Variants in PDE1C observed in about 807,000 individuals in gnomAD.
The protein encoded by PDE1C is dual specificity calcium/calmodulin-dependent 3',5'-cyclic nucleotide phosphodiesterase 1C.
PDE1C carries 62 observed loss-of-function variants against 93.1 expected under a neutral mutation model. The observed-to-expected ratio is 0.67, with a 90% CI of 0.54 to 0.82. The LOEUF (loss-of-function observed/expected upper bound fraction) is 0.82, where lower values mean the gene tolerates loss of function less well. PDE1C is among the 40% of genes least tolerant of loss of function. The pLI is 0.00. For synonymous variants in PDE1C, 325 were observed against 310.1 expected, an observed-to-expected ratio of 1.05 and a Z score of -0.50; for missense variants, 742 against 884.6, an observed-to-expected ratio of 0.84 and a Z score of 2.04.
At chr7:32,230,343 T>C (rs1288149491) in intron 1 of PDE1C, among the ~76,000 whole-genome samples, 3 of 152,168 alleles carry the variant, frequency 2.0e-5, no homozygotes, top group Non-Finnish European at 4.4e-5. Context: ...CCTTGGAAGA[T>C]GCCAATTAAA....
intron 1 of PDE1C, among the ~76,000 whole-genome samples, chr7:32,276,817 C>G (rs372912050): frequency 6.6e-6 from 1 of 152,096 alleles, no homozygotes; most frequent in Admixed American, 6.6e-5. Context: ...ACTACTACCA[C>G]CAACTGGAGA....
rs184128299 is a variant in PDE1C, at chr7:31,906,897, C to T, written c.129-26037G>A. Among the ~76,000 whole-genome samples the T allele has an allele frequency of 4.1e-4, 62 of 152,258 alleles. 1 individual carries two copies. The highest frequency in any genetic ancestry group is 7.0e-4 in the African/African-American group (29 of 41,548). On this transcript the variant is annotated intron_variant, in intron 2 of 17. Coordinates refer to ENST00000396191, the MANE Select transcript of PDE1C (RefSeq NM_001191057.4). ...AATGTATGTAGAGAGGTTAACACCA[C>T]GCTTTTAAGCCTTCAGTAGCTGCTA... is the stretch of plus-strand genomic sequence containing the variant.
chr7:32,311,603 C>A (rs560529780), intron 1 of PDE1C, among the ~76,000 whole-genome samples: 2 of 152,004 alleles, frequency 1.3e-5, no homozygotes, highest in African/African-American at 4.8e-5. Context: ...GTTCAATATA[C>A]GCAAATCAAT....
At chr7:31,787,140 C>G (rs1784089461) in intron 16 of PDE1C, 1 of 152,114 alleles carries the variant, frequency 6.6e-6, no homozygotes, top group Non-Finnish European at 1.5e-5. Context: ...ACTTTTGTAT[C>G]TAAAGGCATG....
At chr7:31,967,831 C>T (rs1285021737) in intron 2 of PDE1C, among the ~76,000 whole-genome samples, 1 of 152,120 alleles carries the variant, frequency 6.6e-6, no homozygotes, top group Non-Finnish European at 1.5e-5. Flanking sequence ...CGTAATCCAG[C>T]ATATAAATAG....
At chr7:32,274,804 A>G (rs1057449654) in intron 1 of PDE1C, among the ~76,000 whole-genome samples, 2 of 152,360 alleles carry the variant, frequency 1.3e-5, no homozygotes, top group Non-Finnish European at 2.9e-5. Context: ...TCCAAGATGA[A>G]TCAGAAAAAT....
chr7:31,671,037 C>T, the PDE1C span, among the ~76,000 whole-genome samples: 1 of 152,194 alleles, frequency 6.6e-6, no homozygotes, highest in Non-Finnish European at 1.5e-5. Flanking sequence ...CCCTTTCCCA[C>T]TGAGATCCAC....
chr7:31,806,999 T>C (rs1786923716), intron 16 of PDE1C, among the ~76,000 whole-genome samples: 1 of 151,950 alleles, frequency 6.6e-6, no homozygotes, highest in Non-Finnish European at 1.5e-5. Flanking sequence ...AAAGGATAGG[T>C]GGGACTCATC....
the PDE1C span, among the ~76,000 whole-genome samples, chr7:31,639,544 T>TTTTTTTTTTTTTTTTTG: frequency 1.5e-5 from 2 of 135,188 alleles, no homozygotes; most frequent in Non-Finnish European, 3.2e-5. Flanking sequence ...TTTTGTTTTT[T>TTTTTTTTTTTTTTTTTG]TTTTTTTTTT....
intron 1 of PDE1C, among the ~76,000 whole-genome samples, chr7:32,062,437 A>G (rs1794924243): frequency 1.3e-5 from 2 of 152,124 alleles, no homozygotes; most frequent in Non-Finnish European, 2.9e-5. Context: ...TCATTTTCTC[A>G]GAGGGGCCAT....
chr7:32,038,508 C>T (rs137926173), intron 2 of PDE1C, among the ~76,000 whole-genome samples: 1 of 152,270 alleles, frequency 6.6e-6, no homozygotes, highest in East Asian at 1.9e-4. Context: ...TTACTTATCA[C>T]AACCCTTTGA....
intron 2 of PDE1C, among the ~76,000 whole-genome samples, chr7:31,949,100 T>C (rs558922202): frequency 6.6e-6 from 1 of 152,280 alleles, no homozygotes; most frequent in Non-Finnish European, 1.5e-5. Flanking sequence ...GCCTGGGGTC[T>C]TTTAGACTGA....
chr7:32,409,394 T>C (rs1215950804), intron 1 of PDE1C, among the ~76,000 whole-genome samples: 2 of 152,052 alleles, frequency 1.3e-5, no homozygotes, highest in South Asian at 2.1e-4. Flanking sequence ...AAGAAAACTT[T>C]TAAGTTATTT....
At chr7:32,117,412 G>A (rs73689038) in intron 3 of PDE1C, among the ~76,000 whole-genome samples, 3,140 of 152,234 alleles carry the variant, frequency 0.021, 98 homozygotes, top group African/African-American at 0.071. Context: ...GATGTGTTAG[G>A]CTCTTCTATA....
the PDE1C span, among the ~76,000 whole-genome samples, chr7:31,648,696 C>G: frequency 6.6e-6 from 1 of 152,148 alleles, no homozygotes; most frequent in African/African-American, 2.4e-5. Flanking sequence ...GTCACTGTCC[C>G]CAGAACTTTG....
intron 2 of PDE1C, among the ~76,000 whole-genome samples, chr7:32,173,924 A>G (rs969090038): frequency 7.9e-5 from 12 of 152,186 alleles, no homozygotes; most frequent in African/African-American, 2.9e-4. Flanking sequence ...TGCCCGTGCC[A>G]TAACTGACCT....
chr7:32,285,978 A>G (rs1237435034), intron 1 of PDE1C, among the ~76,000 whole-genome samples: 5 of 152,210 alleles, frequency 3.3e-5, no homozygotes, highest in Admixed American at 3.3e-4. Context: ...GTCTCCCCAC[A>G]AGCCCACATG....
At chr7:32,168,610 G>A (rs112412589) in intron 3 of PDE1C, among the ~76,000 whole-genome samples, 5 of 152,250 alleles carry the variant, frequency 3.3e-5, no homozygotes, top group East Asian at 3.9e-4. Flanking sequence ...TTCATAAGAC[G>A]TATTCTCTCA....
intron 2 of PDE1C, among the ~76,000 whole-genome samples, chr7:32,030,471 A>T (rs945816676): frequency 3.3e-5 from 5 of 152,088 alleles, no homozygotes; most frequent in Admixed American, 1.3e-4. Context: ...GTTATTTTTT[A>T]AAAAATTAGA....
Sources: gnomAD v4.1 joint callset for allele counts (sites outside exome capture counted in the v4.1 genomes callset) on GRCh38, gnomAD v4.1.1 for gene constraint, MANE v1.5 for transcripts, NCBI Gene and HGNC (gene_info 2026-07-23, HGNC 2026-07-21) for gene names.